FOXN4: variants seen among roughly 807,000 people sequenced by gnomAD.
FOXN4 encodes the protein forkhead box protein N4.
FOXN4 carries 12 observed loss-of-function variants against 45.0 expected under a neutral mutation model. The observed-to-expected ratio is 0.27, with a 90% CI of 0.17 to 0.43. The LOEUF is 0.43. Ranked by LOEUF, FOXN4 falls within the 20% of genes least tolerant of loss-of-function variation. The pLI is 1.00. For missense variants in FOXN4, 560 were observed against 694.9 expected, an observed-to-expected ratio of 0.81 and a Z score of 2.18; for synonymous variants, 297 against 295.0, an observed-to-expected ratio of 1.01 and a Z score of -0.07.
intron 8 of FOXN4, 88 bp from the exon 9 acceptor site, chr12:109,281,887 A>G: frequency 7.1e-7 from 1 of 1,412,116 alleles, no homozygotes; most frequent in Non-Finnish European, 9.3e-7. Flanking sequence ...CAGTGTCACC[A>G]CCTGTGTGAC....
In FOXN4 at chr12:109,292,482, C is replaced by T. The variant is rs558930755; in HGVS notation, c.87-2196G>A. ...GTGTGCCCTTGGGCCACTGGCTTAACCTCTCTGAGCCTCAGTTTCTTATCT... is the reference window on the plus strand; with the variant it reads ...GTGTGCCCTTGGGCCACTGGCTTAATCTCTCTGAGCCTCAGTTTCTTATCT... On this transcript the variant is annotated intron_variant, in intron 2 of 9. Transcript: ENST00000299162. Among the ~76,000 whole-genome samples, 72 of 152,272 alleles carry T rather than the reference C, an allele frequency of 4.7e-4. 2 individuals carry two copies. The South Asian group carries it at 0.014, about 30-fold the overall frequency.
At chr12:109,299,278 T>C (rs1301796700) in intron 2 of FOXN4, among the ~76,000 whole-genome samples, 2 of 152,194 alleles carry the variant, frequency 1.3e-5, no homozygotes, top group Non-Finnish European at 2.9e-5. Flanking sequence ...TGCAGGTGCA[T>C]ATTTTTCCTT....
At chr12:109,306,399 T>A (rs2047922322) in intron 2 of FOXN4, among the ~76,000 whole-genome samples, 1 of 152,220 alleles carries the variant, frequency 6.6e-6, no homozygotes. Flanking sequence ...TCTCACTCTC[T>A]GACTCCCCTA....
At chr12:109,304,757 T>C (rs550941740) in intron 2 of FOXN4, among the ~76,000 whole-genome samples, 1 of 152,196 alleles carries the variant, frequency 6.6e-6, no homozygotes, top group South Asian at 2.1e-4. Context: ...TAAGTGGTCC[T>C]TGGAGTCCTT....
chr12:109,297,502 C>G (rs990565711), intron 2 of FOXN4, among the ~76,000 whole-genome samples: 3 of 152,104 alleles, frequency 2.0e-5, no homozygotes, highest in African/African-American at 7.2e-5. Flanking sequence ...ATGCCCAGCT[C>G]AGTCTTTGCA....
At position 109,287,250 on chromosome 12, in the gene FOXN4, G is replaced by T. The variant is rs1342814057; in HGVS notation, c.596+147C>A. 4 of 1,115,994 alleles carry T rather than the reference G, an allele frequency of 3.6e-6. No homozygotes were observed. Among genetic ancestry groups the T allele is most frequent in the East Asian group, 5.3e-5 (2 of 37,828 alleles). The allele number at this position is 1,115,994 out of a possible 1,614,324, so 69.1% of individuals were successfully genotyped here. A position where few individuals can be genotyped will look rare whatever the true frequency, so the allele number is the denominator to read the frequency against. ...CTATGATGCGCCTTCCTGAGAACAA[G>T]TCCCACCTGGGGGTTCCCCACTCCC... On this transcript the variant is annotated intron_variant, in intron 6 of 9. Transcript: ENST00000299162. This position sits in a 1 kb window ranked among gnomAD's most constrained non-coding sequence, Gnocchi z 4.1.
At chr12:109,298,822 A>T (rs1206713065) in intron 2 of FOXN4, among the ~76,000 whole-genome samples, 1 of 152,136 alleles carries the variant, frequency 6.6e-6, no homozygotes, top group Non-Finnish European at 1.5e-5. Context: ...AACAGAGTAG[A>T]GGGTCCCTCA....
rs2047763186 is a variant in FOXN4, at chr12:109,291,083, C to A, written c.87-797G>T. On this transcript the variant is annotated intron_variant, in intron 2 of 9. Coordinates refer to ENST00000299162, the MANE Select transcript of FOXN4 (RefSeq NM_213596.3). The surrounding 1 kb of genome is among the most constrained non-coding windows in gnomAD (Gnocchi z 6.6). Reference sequence around the variant, plus strand: ...GAAGCCTGAGCCCTTCAACTCGACCCCTGGTGGTCCCAAGAGGCTCCAGTT... The same window carrying A: ...GAAGCCTGAGCCCTTCAACTCGACCACTGGTGGTCCCAAGAGGCTCCAGTT... Among the ~76,000 whole-genome samples the A allele has an allele frequency of 1.3e-5, 2 of 152,178 alleles. No individual in the cohort carries two copies. Among genetic ancestry groups the A allele is most frequent in the Non-Finnish European group, 2.9e-5 (2 of 68,016 alleles).
chr12:109,298,130 T>C (rs2047833814), intron 2 of FOXN4, among the ~76,000 whole-genome samples: 1 of 151,872 alleles, frequency 6.6e-6, no homozygotes, highest in Non-Finnish European at 1.5e-5. Flanking sequence ...GTAAAAGGAG[T>C]CCCCCATCGC....
At chr12:109,284,522 T>G (rs560015030) in intron 8 of FOXN4, among the ~76,000 whole-genome samples, 50 of 151,240 alleles carry the variant, frequency 3.3e-4, no homozygotes, top group African/African-American at 1.2e-3. Flanking sequence ...TGGTGGATGG[T>G]GGCCAGGTCC....
chr12:109,286,233 G>A (rs576913899), intron 7 of FOXN4, among the ~76,000 whole-genome samples: 84 of 152,290 alleles, frequency 5.5e-4, no homozygotes, highest in African/African-American at 1.9e-3. Flanking sequence ...ACCCTATGCT[G>A]GAAGCTGCCA....
At chr12:109,296,110 C>G (rs1229202165) in intron 2 of FOXN4, among the ~76,000 whole-genome samples, 1 of 152,242 alleles carries the variant, frequency 6.6e-6, no homozygotes, top group African/African-American at 2.4e-5. Context: ...CTCCACCCTA[C>G]TCACCTACAG....
At chr12:109,281,030 C>A (rs1320194102) in intron 9 of FOXN4, among the ~76,000 whole-genome samples, 1 of 152,160 alleles carries the variant, frequency 6.6e-6, no homozygotes, top group Non-Finnish European at 1.5e-5. Context: ...TCCTCATTGG[C>A]AGAACAGGGA....
intron 8 of FOXN4, among the ~76,000 whole-genome samples, chr12:109,284,819 C>G (rs1418615125): frequency 3.4e-5 from 5 of 148,192 alleles, no homozygotes; most frequent in African/African-American, 1.3e-4. Flanking sequence ...CTGGGCCTCA[C>G]TGGGGTTGGC....
At chr12:109,284,104 C>G (rs2047678728) in intron 8 of FOXN4, among the ~76,000 whole-genome samples, 1 of 152,214 alleles carries the variant, frequency 6.6e-6, no homozygotes, top group Admixed American at 6.5e-5. Context: ...TCTATTGTTC[C>G]ACATCCTAGC....
At chr12:109,285,095 C>T (rs925668058) in intron 8 of FOXN4, among the ~76,000 whole-genome samples, 3 of 151,100 alleles carry the variant, frequency 2.0e-5, no homozygotes, top group South Asian at 2.1e-4. Context: ...GCCCATGCTC[C>T]GGTGGATGGC....
At chr12:109,285,546 G>A in intron 7 of FOXN4, 35 bp from the exon 8 acceptor site, 1 of 1,610,410 alleles carries the variant, frequency 6.2e-7, no homozygotes, top group Non-Finnish European at 8.5e-7. Context: ...AGGCCTCCCT[G>A]TAAGCCCTTC....
Position 109,288,290 on chromosome 12 carries a change from G to A in FOXN4, c.233-110C>T, listed in dbSNP as rs901658992. The A allele has an allele frequency of 2.2e-5, 31 of 1,429,664 alleles. No homozygotes were observed. The highest frequency in any genetic ancestry group is 1.6e-4 in the African/African-American group (11 of 68,834). The allele number at this position is 1,429,664 out of a possible 1,614,324, so 88.6% of individuals were successfully genotyped here. On this transcript the variant is annotated intron_variant, in intron 3 of 9. Transcript: ENST00000299162. The surrounding 1 kb of genome is among the most constrained non-coding windows in gnomAD (Gnocchi z 4.3). ...GAGAACGGAGCCAGCCCCTTTCCTC[G>A]GACCAGGCACATAGTAGGTGCTTGG...
chr12:109,294,316 G>A (rs984531332), intron 2 of FOXN4, among the ~76,000 whole-genome samples: 3 of 152,192 alleles, frequency 2.0e-5, no homozygotes, highest in Non-Finnish European at 4.4e-5. Context: ...TGAGCTGCGT[G>A]ACCTTGGACA....
Sources: allele counts gnomAD v4.1 joint callset (sites outside exome capture counted in the v4.1 genomes callset), GRCh38; gene constraint gnomAD v4.1.1; non-coding constraint Gnocchi (gnomAD v3.1); transcripts MANE v1.5; gene names NCBI Gene and HGNC (gene_info 2026-07-23, HGNC 2026-07-21).